The following POT1 variants were observed in gnomAD, a reference collection of about 807,000 sequenced individuals.
POT1 encodes the protein protection of telomeres protein 1.
In POT1, 47 loss-of-function variants were observed where a neutral mutation model predicts 78.5. That is an observed-to-expected ratio of 0.60 (90% CI 0.47 to 0.76). The LOEUF (loss-of-function observed/expected upper bound fraction) is 0.76. POT1 is among the 30% of genes least tolerant of loss of function. The probability of loss-of-function intolerance (pLI) is 0.00; values close to 1 mark genes in which losing one functional copy is unlikely to be tolerated. For synonymous variants in POT1, 259 were observed against 260.7 expected, an observed-to-expected ratio of 0.99 and a Z score of 0.06; for missense variants, 646 against 749.9, an observed-to-expected ratio of 0.86 and a Z score of 1.62.
At chr7:124,908,818 T>C (rs564390795) in intron 3 of POT1, among the ~76,000 whole-genome samples, 2 of 152,036 alleles carry the variant, frequency 1.3e-5, no homozygotes, top group South Asian at 4.1e-4. Flanking sequence ...CATACATATA[T>C]AGATAGTATA....
intron 13 of POT1, among the ~76,000 whole-genome samples, chr7:124,842,034 C>A (rs949546830): frequency 6.6e-6 from 1 of 151,770 alleles, no homozygotes; most frequent in Non-Finnish European, 1.5e-5. Context: ...TATTAATGAA[C>A]ACAGATACTC....
chr7:124,857,313 C>CTG (rs1427601057), intron 9 of POT1, among the ~76,000 whole-genome samples: 2 of 152,216 alleles, frequency 1.3e-5, no homozygotes, highest in Non-Finnish European at 2.9e-5. Context: ...GATTCAAACA[C>CTG]TGGCTTCATC....
chr7:124,909,960 T>C (rs1233902765), intron 3 of POT1, among the ~76,000 whole-genome samples: 3 of 151,908 alleles, frequency 2.0e-5, no homozygotes, highest in African/African-American at 4.8e-5. Context: ...ATCTCTAAAA[T>C]ATCCAAGATA....
intron 2 of POT1, among the ~76,000 whole-genome samples, chr7:124,918,101 G>A (rs984061320): frequency 6.6e-6 from 1 of 152,144 alleles, no homozygotes; most frequent in African/African-American, 2.4e-5. Context: ...GAGCCAGCAG[G>A]GCATGGCCCA....
At chr7:124,840,276 G>A (rs1794994727) in intron 14 of POT1, among the ~76,000 whole-genome samples, 2 of 151,442 alleles carry the variant, frequency 1.3e-5, no homozygotes. Flanking sequence ...AGGTTTCAAG[G>A]GAAGAAAAGC....
chr7:124,917,163 C>T (rs1005570982), intron 2 of POT1, among the ~76,000 whole-genome samples: 1 of 152,150 alleles, frequency 6.6e-6, no homozygotes, highest in Non-Finnish European at 1.5e-5. Context: ...CCAGGACCTA[C>T]TGCTACCAAG....
intron 2 of POT1, among the ~76,000 whole-genome samples, chr7:124,927,067 C>T (rs530541070): frequency 1.3e-5 from 2 of 152,234 alleles, no homozygotes; most frequent in African/African-American, 4.8e-5. Flanking sequence ...TTGTTTCCCA[C>T]ACCTATTTAC....
intron 16 of POT1, among the ~76,000 whole-genome samples, chr7:124,828,309 A>C (rs949927518): frequency 8.5e-5 from 13 of 152,156 alleles, no homozygotes; most frequent in Admixed American, 2.0e-4. Context: ...AGATTTAATA[A>C]TTTGGTAAGA....
intron 13 of POT1, among the ~76,000 whole-genome samples, chr7:124,842,427 G>C (rs991126918): frequency 2.6e-5 from 4 of 151,688 alleles, no homozygotes; most frequent in Non-Finnish European, 5.9e-5. Context: ...TACCAACAAG[G>C]CTCTCTTTAT....
Position 124,827,220 on chromosome 7 carries a change from C to T in POT1, c.1680G>A (p.Met560Ile). The T allele has an allele frequency of 6.6e-7, 1 of 1,518,668 alleles. No homozygotes were observed. Among genetic ancestry groups the T allele is most frequent in the Non-Finnish European group, 9.0e-7 (1 of 1,113,472 alleles). The allele number at this position is 1,518,668 out of a possible 1,614,324, so 94.1% of individuals were successfully genotyped here. The change falls in exon 17 of 19, where the codon ATG becomes ATA. Residue 560 changes from methionine (M) to isoleucine (I), a missense_variant. Met to Ile is a conservative substitution (Grantham distance 10). Around this residue, in one of 2 missense-constraint regions of POT1, gnomAD observed 394 missense variants for 408.4 expected, o/e 0.96. Transcript: ENST00000357628. Reference sequence around the variant, plus strand: ...TATTACCTCTGATACTTACAGAATCCATGAGATAGGCTTCTAGTACTCCTG... The same window carrying T: ...TATTACCTCTGATACTTACAGAATCTATGAGATAGGCTTCTAGTACTCCTG... ...DGTGVLEAYL[M>I]DSDKFFQIPA... is the part of the protein sequence containing the mutation.
chr7:124,880,361 A>G (rs914539828), intron 6 of POT1, among the ~76,000 whole-genome samples: 4 of 152,130 alleles, frequency 2.6e-5, no homozygotes, highest in African/African-American at 9.6e-5. Flanking sequence ...AACTGTGAAT[A>G]TAAGACCAAT....
chr7:124,881,805 G>A (rs529393752), intron 6 of POT1, among the ~76,000 whole-genome samples: 1 of 152,072 alleles, frequency 6.6e-6, no homozygotes, highest in South Asian at 2.1e-4. Flanking sequence ...CATTAACAGG[G>A]AAAGTGGAAA....
chr7:124,891,895 T>C (rs1270773368), intron 6 of POT1, among the ~76,000 whole-genome samples: 1 of 151,728 alleles, frequency 6.6e-6, no homozygotes, highest in African/African-American at 2.4e-5. Context: ...ATAGCTTTTA[T>C]ATATTTGCCT....
chr7:124,862,257 T>C (rs1024154364), intron 8 of POT1, among the ~76,000 whole-genome samples: 6 of 152,188 alleles, frequency 3.9e-5, no homozygotes, highest in Non-Finnish European at 7.4e-5. Flanking sequence ...CATTTTATCT[T>C]AGAATTTAAG....
At chr7:124,881,333 T>C (rs1030215756) in intron 6 of POT1, among the ~76,000 whole-genome samples, 31 of 151,992 alleles carry the variant, frequency 2.0e-4, no homozygotes, top group Non-Finnish European at 5.9e-5. Flanking sequence ...ACCACTGTCA[T>C]ACACGCAGTC....
At chr7:124,836,110 T>C (rs73445710) in intron 14 of POT1, among the ~76,000 whole-genome samples, 226 of 152,320 alleles carry the variant, frequency 1.5e-3, no homozygotes, top group African/African-American at 5.1e-3. Context: ...CATTCAATTA[T>C]AAAGGAGAAG....
At chr7:124,900,784 G>A (rs1017372608) in intron 3 of POT1, 7 of 364,942 alleles carry the variant, frequency 1.9e-5, no homozygotes, top group Non-Finnish European at 2.8e-5. Flanking sequence ...CTGGAACATC[G>A]GGACACTCCT....
At chr7:124,824,323 T>C (rs1487545744) in intron 18 of POT1, among the ~76,000 whole-genome samples, 3 of 151,916 alleles carry the variant, frequency 2.0e-5, no homozygotes, top group African/African-American at 7.2e-5. Context: ...TGAGTACATC[T>C]TGGGTTTCAA....
At chr7:124,881,454 T>TA (rs1271484295) in intron 6 of POT1, among the ~76,000 whole-genome samples, 2 of 151,968 alleles carry the variant, frequency 1.3e-5, no homozygotes, top group East Asian at 1.9e-4. Context: ...AAGTGGCATT[T>TA]AAAAAATCTA....
Sources: allele counts gnomAD v4.1 joint callset (sites outside exome capture counted in the v4.1 genomes callset), GRCh38; gene constraint gnomAD v4.1.1; regional missense constraint gnomAD v4.1.1; transcripts MANE v1.5; gene names NCBI Gene and HGNC (gene_info 2026-07-23, HGNC 2026-07-21).